The following SLC2A8 variants were observed in gnomAD, a reference collection of about 807,000 sequenced individuals.
SLC2A8 encodes the protein solute carrier family 2, facilitated glucose transporter member 8.
SLC2A8 carries 53 observed loss-of-function variants against 49.2 expected under a neutral mutation model. The ratio of observed to expected loss-of-function variants is 1.08; its 90% CI spans 0.86 to 1.35. The LOEUF (loss-of-function observed/expected upper bound fraction) is 1.35. SLC2A8 is among the 40% of genes most tolerant of loss of function. The pLI is 0.00. For missense variants in SLC2A8, 688 were observed against 671.7 expected (o/e 1.02, Z -0.27); for synonymous variants, 299 against 297.0 (o/e 1.01, Z -0.07).
At chr9:127,400,683 T>C (rs1490904322) in intron 4 of SLC2A8, among the ~76,000 whole-genome samples, 2 of 152,118 alleles carry the variant, frequency 1.3e-5, no homozygotes, top group Non-Finnish European at 1.5e-5. Context: ...CAGTGCCAGA[T>C]TCACCATGTC....
chr9:127,403,289 T>G (rs1833362021), intron 5 of SLC2A8: 21 of 248,796 alleles, frequency 8.4e-5, no homozygotes, highest in East Asian at 2.6e-4. Context: ...GCGAGGAGGA[T>G]GGGTTCAGTG....
In SLC2A8 at chr9:127,397,768, C is replaced by T. The variant is rs555884017; in HGVS notation, c.220-137C>T. ...CCTCCCCTCGGGACGAGCACCGGGC[C>T]CCTCAGCCCCCTACCCCTCCCCTCG... On this transcript the variant is annotated intron_variant, in intron 2 of 9. Coordinates refer to ENST00000373371, the MANE Select transcript of SLC2A8 (RefSeq NM_014580.5). The T allele has an allele frequency of 7.9e-4, 856 of 1,078,976 alleles. 1 individual carries two copies. Among genetic ancestry groups the T allele is most frequent in the Non-Finnish European group, 1.1e-3 (830 of 790,052 alleles). The allele number at this position is 1,078,976 out of a possible 1,614,324, so 66.8% of individuals were successfully genotyped here.
At chr9:127,405,157 C>T (rs935972299) in intron 8 of SLC2A8, among the ~76,000 whole-genome samples, 166 bp downstream of exon 8, 1 of 152,238 alleles carries the variant, frequency 6.6e-6, no homozygotes, top group Non-Finnish European at 1.5e-5. Context: ...AACTAGGCCC[C>T]TCTGCGTTCC....
rs770992624 is a variant in SLC2A8 at position 127,399,089 on chromosome 9, G to T, written c.427-818G>T. Among the ~76,000 whole-genome samples, 13 of 152,228 alleles carry T rather than the reference G, an allele frequency of 8.5e-5. No individual in the cohort carries two copies. The highest frequency in any genetic ancestry group is 1.6e-4 in the Non-Finnish European group (11 of 68,044). On this transcript the variant is annotated intron_variant, in intron 3 of 9. Coordinates refer to ENST00000373371, the MANE Select transcript of SLC2A8 (RefSeq NM_014580.5). The surrounding 1 kb of genome is among the most constrained non-coding windows in gnomAD (Gnocchi z 4.2). ...AATAACCTTAGATGCATGGGTGAGG[G>T]CCTGGTGGCCTGTGGGCCCAGGAGG... is the stretch of plus-strand genomic sequence containing the variant.
At chr9:127,402,821 C>T in intron 5 of SLC2A8, 68 bp downstream of exon 5, 1 of 1,447,124 alleles carries the variant, frequency 6.9e-7, no homozygotes, top group Non-Finnish European at 9.1e-7. Context: ...ACAGCCTGTT[C>T]CCAAGGCCAC....
intron 4 of SLC2A8, among the ~76,000 whole-genome samples, chr9:127,400,421 G>A (rs1306851769): frequency 6.6e-6 from 1 of 152,108 alleles, no homozygotes; most frequent in Non-Finnish European, 1.5e-5. Context: ...GCTTCCCAAA[G>A]TGCTGGGATT....
chr9:127,402,644 C>T lies in SLC2A8; in HGVS notation c.614C>T (p.Thr205Ile), dbSNP rs562957428. The change falls in exon 5 of 10, where the codon ACC (threonine) becomes ATC (isoleucine). Residue 205 changes from threonine to isoleucine, a missense_variant. Thr to Ile is a moderately conservative substitution (Grantham distance 89, BLOSUM62 -1). Coordinates refer to ENST00000373371, the MANE Select transcript of SLC2A8 (RefSeq NM_014580.5). Reference protein sequence around the residue: ...MLLLMCFMPETPRFLLTQHRR... With the variant: ...MLLLMCFMPEIPRFLLTQHRR... Reference sequence around the variant, plus strand: ...CTTCTCATGTGCTTCATGCCCGAGACCCCGCGCTTCCTGCTGACTCAGCAC... The same window carrying T: ...CTTCTCATGTGCTTCATGCCCGAGATCCCGCGCTTCCTGCTGACTCAGCAC... 1.9e-6 allele frequency: 3 copies of T among 1,593,296 alleles called. No homozygotes were observed. Among genetic ancestry groups the T allele is most frequent in the East Asian group, 4.5e-5 (2 of 44,278 alleles).
At position 127,397,305 on chromosome 9, in the gene SLC2A8, G is replaced by T. The variant is rs990292679; in HGVS notation, c.56+19G>T. 3.6e-6 allele frequency: 5 copies of T among 1,379,658 alleles called. No homozygotes were observed. Among genetic ancestry groups the T allele is most frequent in the Non-Finnish European group, 3.7e-6 (4 of 1,077,116 alleles). The allele number at this position is 1,379,658 out of a possible 1,614,324, so 85.5% of individuals were successfully genotyped here. The stretch of plus-strand genomic sequence containing the variant: ...GCGGCAGGTGAGCTCCGGGGAACCC[G>T]GGCCCGGATGCGGCCTCGCCCTCCC... On this transcript the variant is annotated intron_variant, in intron 1 of 9. Coordinates refer to ENST00000373371, the MANE Select transcript of SLC2A8 (RefSeq NM_014580.5).
intron 7 of SLC2A8, 73 bp from the exon 8 acceptor site, chr9:127,404,745 G>T: frequency 2.0e-6 from 3 of 1,498,666 alleles, no homozygotes; most frequent in Non-Finnish European, 1.8e-6. Context: ...CCTCTCAGAG[G>T]CATCCAGGCC....
chr9:127,405,411 C>T lies in SLC2A8; in HGVS notation c.1151-9C>T. 1 of 1,612,194 alleles carries T rather than the reference C, an allele frequency of 6.2e-7. No individual in the cohort carries two copies. Among genetic ancestry groups the T allele is most frequent in the Non-Finnish European group, 8.5e-7 (1 of 1,179,890 alleles). On this transcript the variant is annotated splice_polypyrimidine_tract_variant and intron_variant, in intron 8 of 9. Transcript: ENST00000373371. ...CCTGATGCCTGTCTTGCCTGTCTCG[C>T]TCCCACAGGCTTTGCGGTGGGCTGG...
At chr9:127,398,348 C>G (rs767042388) in intron 3 of SLC2A8, 3 of 773,900 alleles carry the variant, frequency 3.9e-6, no homozygotes, top group Non-Finnish European at 7.2e-6. Context: ...AAGTCCTTTG[C>G]CCAGGCGAGG....
chr9:127,397,198 GCCAGAGCT>G lies in SLC2A8; in HGVS notation c.-32_-25del. The G allele has an allele frequency of 6.9e-7, 1 of 1,450,970 alleles. No homozygotes were observed. The highest frequency in any genetic ancestry group is 9.0e-7 in the Non-Finnish European group (1 of 1,110,160). 89.9% of individuals were successfully genotyped at this position (1,450,970 alleles called of 1,614,324 possible). A position where few individuals can be genotyped will look rare whatever the true frequency, so the allele number is the denominator to read the frequency against. ...TCGCAGGGCCCGTGGCGGTTCAGGC[GCCAGAGCT>G]GGCCGATCGGCGTTGGCCGCCGACA... On this transcript the variant is annotated 5_prime_UTR_variant, in exon 1 of 10. Coordinates refer to ENST00000373371, the MANE Select transcript of SLC2A8 (RefSeq NM_014580.5).
chr9:127,401,346 C>T (rs1019536856), intron 4 of SLC2A8, among the ~76,000 whole-genome samples: 4 of 152,210 alleles, frequency 2.6e-5, no homozygotes, highest in Non-Finnish European at 5.9e-5. Flanking sequence ...TGGGGATCAT[C>T]GGGGTAGGAG....
intron 7 of SLC2A8, chr9:127,404,298 C>T (rs1160497636): frequency 8.8e-6 from 4 of 453,184 alleles, no homozygotes; most frequent in South Asian, 6.9e-5. Context: ...AGAAGGCACT[C>T]TCACAGCCCC....
At chr9:127,406,070 C>T (rs1308638564) in intron 9 of SLC2A8, 8 of 518,678 alleles carry the variant, frequency 1.5e-5, no homozygotes, top group Non-Finnish European at 2.3e-5. Context: ...ACAGGTGTGG[C>T]CCCTGTCCCG....
rs752179632 is a variant in SLC2A8 at position 127,403,808 on chromosome 9, A to C, written c.867+5A>C. On this transcript the variant is annotated splice_donor_5th_base_variant and intron_variant, in intron 6 of 9. Transcript: ENST00000373371. ...TTTGAAGAGGCCAAGTTCAAGGTAA[A>C]AGGGCCCTGCCTGGCCTGCCTCGTC... 3 of 1,611,866 alleles carry C rather than the reference A, an allele frequency of 1.9e-6. No individual in the cohort carries two copies. The East Asian group carries it at 6.7e-5, about 36-fold the overall frequency.
chr9:127,407,203 A>T lies in SLC2A8; in HGVS notation c.1388A>T (p.Lys463Ile), dbSNP rs1428453380. ...ACTTTGTTCTGTGTCCCTGAAACTA[A>T]AGGAAAGACTCTGGAACAAATCACA... is the stretch of plus-strand genomic sequence containing the variant. ...LFTLFCVPET[K>I]GKTLEQITAH... The change falls in exon 10 of 10, where the codon AAA (lysine) becomes ATA (isoleucine). Residue 463 changes from lysine to isoleucine, a missense_variant. Transcript: ENST00000373371. The T allele has an allele frequency of 1.2e-6, 2 of 1,613,400 alleles. No individual in the cohort carries two copies. The highest frequency in any genetic ancestry group is 2.7e-5 in the African/African-American group (2 of 74,924).
rs776471920 is a variant in SLC2A8 at position 127,397,402 on chromosome 9, T to C, written c.83T>C (p.Leu28Pro). ...GCGCCCCGCGGCCGCCGCGTCTTCC[T>C]CGCCGCCTTCGCCGCTGCCCTGGGC... ...GSAPRGRRVF[L>P]AAFAAALGPL... Residue 28 changes from leucine (L) to proline (P), a missense_variant, in exon 2 of 10, where the codon CTC (leucine) becomes CCC (proline). Coordinates refer to ENST00000373371, the MANE Select transcript of SLC2A8 (RefSeq NM_014580.5). 6 of 1,472,640 alleles carry C rather than the reference T, an allele frequency of 4.1e-6. No homozygotes were observed. The highest frequency in any genetic ancestry group is 2.1e-4 in the Middle Eastern group (1 of 4,752). The allele number at this position is 1,472,640 out of a possible 1,614,324, so 91.2% of individuals were successfully genotyped here.
chr9:127,403,858 C>T (rs1833389174), intron 6 of SLC2A8, 55 bp downstream of exon 6: 1 of 1,603,024 alleles, frequency 6.2e-7, no homozygotes, highest in African/African-American at 1.3e-5. Context: ...ATGGAGCTTC[C>T]TCCCCAAGCC....
Sources: allele counts gnomAD v4.1 joint callset (sites outside exome capture counted in the v4.1 genomes callset), GRCh38; gene constraint gnomAD v4.1.1; non-coding constraint Gnocchi (gnomAD v3.1); transcripts MANE v1.5; gene names NCBI Gene and HGNC (gene_info 2026-07-23, HGNC 2026-07-21).